Variants in SLC24A1 observed in about 807,000 individuals in gnomAD.
SLC24A1 encodes solute carrier family 24 member 1, also known as sodium/potassium/calcium exchanger 1.
A neutral mutation model predicts 88.1 loss-of-function variants in SLC24A1; 52 were observed. That is an observed-to-expected ratio of 0.59 (90% confidence interval 0.47 to 0.74). The LOEUF (loss-of-function observed/expected upper bound fraction) is 0.74, where lower values mean the gene tolerates loss of function less well. Among genes scored for constraint, SLC24A1 ranks in the 30% least tolerant of loss-of-function variants. SLC24A1 has a pLI of 0.00. For synonymous variants in SLC24A1, 455 were observed against 498.0 expected (o/e 0.91, Z 1.15); for missense variants, 1,173 against 1,363.3 (o/e 0.86, Z 2.20).
At chr15:65,619,880 GA>G (rs2074265136), upstream of SLC24A1, among the ~76,000 whole-genome samples, 1 of 151,918 alleles carries the variant, frequency 6.6e-6, no homozygotes, top group South Asian at 2.1e-4. Flanking sequence ...GGTATAAAAT[GA>G]GGCAATTTTG....
At chr15:65,634,740 C>CAAAAAAAAAAAAAAAAAAAAAAAAAAA (rs5813364) in intron 2 of SLC24A1, among the ~76,000 whole-genome samples, 5 of 90,528 alleles carry the variant, frequency 5.5e-5, no homozygotes, top group East Asian at 3.0e-4. Context: ...TCAAAAGCAC[C>CAAAAAAAAAAAAAAAAAAAAAAAAAAA]AAAAAAAAAA....
chr15:65,624,341 G>A lies in SLC24A1; in HGVS notation c.261G>A (p.Gly87=), dbSNP rs768289493. 6.2e-7 allele frequency: 1 copy of A among 1,613,674 alleles called. No homozygotes were observed. Among genetic ancestry groups the A allele is most frequent in the Admixed American group, 1.7e-5 (1 of 59,976 alleles). ...CTTCAAAACCTAGCTCCGAAATGGG[G>A]GGTAAGATGCTGGTACCCCAAGCCT... The part of the protein sequence containing the change: ...SSPSKPSSEM[G]GKMLVPQASV... The change falls in exon 2 of 10, where the codon GGG becomes GGA. Residue 87 remains glycine, a synonymous_variant. Transcript: ENST00000261892.
chr15:65,626,018 G>T (rs753563004), intron 2 of SLC24A1, 48 bp downstream of exon 2: 1 of 1,416,536 alleles, frequency 7.1e-7, no homozygotes, highest in African/African-American at 1.4e-5. Flanking sequence ...GAGATGAAAG[G>T]ATGTGGCGAA....
At chr15:65,629,337 A>G (rs2074628566) in intron 2 of SLC24A1, among the ~76,000 whole-genome samples, 2 of 152,260 alleles carry the variant, frequency 1.3e-5, no homozygotes, top group Admixed American at 1.3e-4. Context: ...AGAAAAAAAT[A>G]AAGGACTTAG....
intron 2 of SLC24A1, 23 bp downstream of exon 2, chr15:65,625,993 TTC>T (rs2141475152): frequency 2.6e-6 from 4 of 1,548,838 alleles, no homozygotes; most frequent in Non-Finnish European, 2.7e-6. Context: ...TGGCTCAGGT[TTC>T]TCTAGCCCCT....
chr15:65,651,976 G>T (rs2075525114), intron 8 of SLC24A1: 2 of 550,988 alleles, frequency 3.6e-6, no homozygotes, highest in Admixed American at 2.5e-5. Context: ...GGCATAGAAG[G>T]CCTTGGAATC....
chr15:65,653,165 C>G (rs1269172185), intron 9 of SLC24A1, among the ~76,000 whole-genome samples: 1 of 152,148 alleles, frequency 6.6e-6, no homozygotes, highest in Non-Finnish European at 1.5e-5. Flanking sequence ...ACTACTCTTG[C>G]TCCTTTGTAT....
chr15:65,651,670 G>A lies in SLC24A1; in HGVS notation c.2794G>A (p.Glu932Lys). The stretch of plus-strand genomic sequence containing the variant: ...TTGTCCTTTTCAAACTTTCAAACAG[G>A]AGTCTAGGAAGTTTTTTGTTTTCAC... ...WLTVPDVRRQESRKFFVFTFL... is the reference protein window; with the variant it reads ...WLTVPDVRRQKSRKFFVFTFL... Residue 932 changes from glutamate (E) to lysine (K), a missense_variant and splice_region_variant, in exon 8 of 10, where the codon GAG becomes AAG. Coordinates refer to ENST00000261892, the MANE Select transcript of SLC24A1 (RefSeq NM_004727.3). The A allele has an allele frequency of 6.4e-7, 1 of 1,552,990 alleles. No individual in the cohort carries two copies. Among genetic ancestry groups the A allele is most frequent in the Non-Finnish European group, 8.9e-7 (1 of 1,125,298 alleles).
Position 65,654,806 on chromosome 15 carries a change from A to T in SLC24A1, c.*727A>T. On this transcript the variant is annotated 3_prime_UTR_variant, in exon 10 of 10. Coordinates refer to ENST00000261892, the MANE Select transcript of SLC24A1 (RefSeq NM_004727.3). ...CCACAACCTTCACCTCCCCGGTTCA[A>T]GCAATTCTCCTGCCTCAGCCTGAAG... is the stretch of plus-strand genomic sequence containing the variant. 9.6e-7 allele frequency: 1 copy of T among 1,043,856 alleles called. No homozygotes were observed. 64.7% of individuals were successfully genotyped at this position (1,043,856 alleles called of 1,614,324 possible).
intron 2 of SLC24A1, among the ~76,000 whole-genome samples, chr15:65,629,854 T>A (rs539962347): frequency 2.6e-5 from 4 of 152,218 alleles, no homozygotes; most frequent in Non-Finnish European, 5.9e-5. Context: ...AAGAGCCTAG[T>A]TGGGGCTCCT....
chr15:65,616,154 G>C (rs2074136914), intron 2 of SLC24A1, among the ~76,000 whole-genome samples: 1 of 152,034 alleles, frequency 6.6e-6, no homozygotes, highest in Non-Finnish European at 1.5e-5. Flanking sequence ...TTGGTTCCAA[G>C]TCTTTGCTAT....
chr15:65,621,483 C>G (rs148360510), upstream of SLC24A1, among the ~76,000 whole-genome samples: 352 of 152,314 alleles, frequency 2.3e-3, no homozygotes, highest in Non-Finnish European at 3.4e-3. Flanking sequence ...TCTCTATAAT[C>G]TTTGTTTTTT....
intron 9 of SLC24A1, among the ~76,000 whole-genome samples, chr15:65,653,405 C>CT (rs535891091): frequency 2.8e-4 from 42 of 151,164 alleles, no homozygotes; most frequent in African/African-American, 9.7e-4. Context: ...GCCCTCATCA[C>CT]TAAAGAATTA....
intron 5 of SLC24A1, 70 bp from the exon 6 acceptor site, chr15:65,645,542 C>T (rs1191511644): frequency 8.5e-7 from 1 of 1,177,422 alleles, no homozygotes; most frequent in Non-Finnish European, 1.2e-6. Context: ...CCACTTATGC[C>T]AGTGTCTCTG....
rs2075444597 is a variant in SLC24A1, at chr15:65,650,114, C to T, written c.2233-268C>T. On this transcript the variant is annotated intron_variant, in intron 6 of 9. Transcript: ENST00000261892. This position sits in a 1 kb window ranked among gnomAD's most constrained non-coding sequence, Gnocchi z 4.1. ...GGTAGAACTTTGATATAAATATGGA[C>T]TTCAGATGAATCAGAGGTGCCAAAG... Among the ~76,000 whole-genome samples, 1 of 152,164 alleles carries T rather than the reference C, an allele frequency of 6.6e-6. No homozygotes were observed. Among genetic ancestry groups the T allele is most frequent in the African/African-American group, 2.4e-5 (1 of 41,430 alleles).
At chr15:65,630,765 G>A (rs1288274281) in intron 2 of SLC24A1, among the ~76,000 whole-genome samples, 1 of 152,192 alleles carries the variant, frequency 6.6e-6, no homozygotes, top group Non-Finnish European at 1.5e-5. Flanking sequence ...GAGGTCAGGA[G>A]TTCAAGATCA....
chr15:65,655,280 C>T lies in SLC24A1; in HGVS notation c.*1201C>T, dbSNP rs1566970021. 4.1e-6 allele frequency: 4 copies of T among 985,366 alleles called. No homozygotes were observed. The highest frequency in any genetic ancestry group is 4.8e-6 in the Non-Finnish European group (4 of 829,990). 61.0% of individuals were successfully genotyped at this position (985,366 alleles called of 1,614,324 possible). On this transcript the variant is annotated 3_prime_UTR_variant, in exon 10 of 10. Transcript: ENST00000261892. ...AAGTAAGAGATCCAGTGGGACAATG[C>T]TATTTTTGTATGCCAACCTAGATAG... is the stretch of plus-strand genomic sequence containing the variant.
At chr15:65,651,200 T>C (rs868244691) in intron 7 of SLC24A1, among the ~76,000 whole-genome samples, 3 of 152,178 alleles carry the variant, frequency 2.0e-5, no homozygotes, top group Non-Finnish European at 4.4e-5. Context: ...TAGTCCCTCT[T>C]TGACTCCTAT....
Position 65,650,203 on chromosome 15 carries a change from CA to C in SLC24A1, c.2233-178del, listed in dbSNP as rs2141704145. Among the ~76,000 whole-genome samples the C allele has an allele frequency of 6.6e-6, 1 of 152,330 alleles. No individual in the cohort carries two copies. The highest frequency in any genetic ancestry group is 2.1e-4 in the South Asian group (1 of 4,828). ...TGGAAATGATCAAATAAAAGCTGGA[CA>C]GCCACTAGGTAGGAGTGTGGTCATG... On this transcript the variant is annotated intron_variant, in intron 6 of 9. Transcript: ENST00000261892. The surrounding 1 kb of genome is among the most constrained non-coding windows in gnomAD (Gnocchi z 4.1).
Sources: gnomAD v4.1 joint callset for allele counts (sites outside exome capture counted in the v4.1 genomes callset) on GRCh38, gnomAD v4.1.1 for gene constraint, Gnocchi (gnomAD v3.1) non-coding constraint, MANE v1.5 for transcripts, NCBI Gene and HGNC (gene_info 2026-07-23, HGNC 2026-07-21) for gene names.